The following UTP14A variants were observed in gnomAD, a reference collection of about 807,000 sequenced individuals.
The protein encoded by UTP14A is U3 small nucleolar RNA-associated protein 14 homolog A.
Under a neutral mutation model 57.2 loss-of-function variants are expected in UTP14A, and 5 were observed. The observed-to-expected ratio is 0.09, with a 90% confidence interval of 0.05 to 0.18. The LOEUF (loss-of-function observed/expected upper bound fraction) is 0.18, where lower values mean the gene tolerates loss of function less well. Among genes scored for constraint, UTP14A ranks in the 10% least tolerant of loss-of-function variants. The pLI, the probability that UTP14A is intolerant of heterozygous loss-of-function variation, is 1.00. For synonymous variants in UTP14A, 169 were observed against 210.9 expected, an observed-to-expected ratio of 0.80 and a Z score of 1.72; for missense variants, 430 against 562.1, an observed-to-expected ratio of 0.76 and a Z score of 2.38.
intron 6 of UTP14A, among the ~76,000 whole-genome samples, chrX:129,916,022 C>T (rs1929679519): frequency 1.0e-5 from 1 of 98,852 alleles, no homozygotes. Context: ...GGTGCAATCT[C>T]GGCTCACTGC....
At position 129,908,063 on chromosome X, in the gene UTP14A, G is replaced by A. The variant is rs747132410; in HGVS notation, c.106G>A (p.Asp36Asn). Residue 36 changes from aspartate to asparagine, a missense_variant, in exon 3 of 15, where the codon GAC becomes AAC. Asp to Asn is a conservative substitution (Grantham distance 23). Coordinates refer to ENST00000394422, the MANE Select transcript of UTP14A (RefSeq NM_006649.4). ...TTTTTCCTTTTCTGTGTCTTAGGGG[G>A]ACAATGATGGAGAGAGAAAGCATCA... Reference protein sequence around the residue: ...YLLSESEDEGDNDGERKHQKL... With the variant: ...YLLSESEDEGNNDGERKHQKL... The A allele has an allele frequency of 3.3e-6, 4 of 1,204,644 alleles. No individual in the cohort carries two copies. Among genetic ancestry groups the A allele is most frequent in the South Asian group, 1.8e-5 (1 of 55,644 alleles).
chrX:129,917,646 CT>C lies in UTP14A; in HGVS notation c.538-1527del, dbSNP rs375685559. On this transcript the variant is annotated intron_variant, in intron 6 of 14. Transcript: ENST00000394422. ...AAGTTAGAAAATGAGGAGAGTTCAA[CT>C]TGAACCATCAGGAAACAGGCTGATT... Among the ~76,000 whole-genome samples the C allele has an allele frequency of 5.5e-3, 617 of 112,018 alleles. 2 individuals carry two copies. The highest frequency in any genetic ancestry group is 0.023 in the Middle Eastern group (5 of 217).
intron 10 of UTP14A, 91 bp downstream of exon 10, chrX:129,920,843 C>A: frequency 8.4e-7 from 1 of 1,190,050 alleles, no homozygotes; most frequent in Admixed American, 2.4e-5. Flanking sequence ...GGATGGAAAA[C>A]CAGGAATCTA....
chrX:129,921,691 G>T, intron 11 of UTP14A, 104 bp downstream of exon 11: 1 of 903,508 alleles, frequency 1.1e-6, no homozygotes. Flanking sequence ...ATAGTGATTA[G>T]GCGCTGGGGA....
chrX:129,911,553 C>T (rs1027084962), intron 5 of UTP14A, among the ~76,000 whole-genome samples: 2 of 111,181 alleles, frequency 1.8e-5, no homozygotes, highest in South Asian at 3.8e-4. Context: ...CTGGGCAACA[C>T]GAGTGAAACT....
In UTP14A at chrX:129,926,133, C is replaced by A. The variant is rs114608751; in HGVS notation, c.1943+21C>A. On this transcript the variant is annotated intron_variant, in intron 13 of 14. Transcript: ENST00000394422. ...CGCCGGTAAGAATGCCGAAGAAAGTCTGTCAAAAGGGCACCGGGTTCTCCC... is the reference window on the plus strand; with the variant it reads ...CGCCGGTAAGAATGCCGAAGAAAGTATGTCAAAAGGGCACCGGGTTCTCCC... The A allele has an allele frequency of 1.4e-3, 1,656 of 1,208,392 alleles. 20 individuals are homozygous for A. The African/African-American group carries it at 0.025, about 18-fold the overall frequency.
chrX:129,925,547 A>T (rs1266914724), intron 12 of UTP14A, among the ~76,000 whole-genome samples: 1 of 110,876 alleles, frequency 9.0e-6, no homozygotes, highest in Non-Finnish European at 1.9e-5. Context: ...ATGGTCTAAG[A>T]CTCCCCAGTT....
intron 14 of UTP14A, among the ~76,000 whole-genome samples, chrX:129,927,563 G>A (rs1404480408): frequency 8.9e-6 from 1 of 112,000 alleles, no homozygotes; most frequent in Non-Finnish European, 1.9e-5. Context: ...CTGGAATGCA[G>A]TGGCACGATC....
chrX:129,920,075 G>C (rs777628912), intron 8 of UTP14A, among the ~76,000 whole-genome samples: 1 of 111,717 alleles, frequency 9.0e-6, no homozygotes, highest in East Asian at 2.8e-4. Context: ...TATAGTCCCA[G>C]CTACTTAGGA....
At chrX:129,912,470 A>G (rs954005243) in intron 6 of UTP14A, among the ~76,000 whole-genome samples, 1 of 109,364 alleles carries the variant, frequency 9.1e-6, no homozygotes, top group African/African-American at 3.3e-5. Flanking sequence ...TGCTATTTCC[A>G]TGTTTTTGTG....
chrX:129,909,237 T>C (rs945628545), intron 4 of UTP14A, among the ~76,000 whole-genome samples: 1 of 91,656 alleles, frequency 1.1e-5, no homozygotes, highest in Admixed American at 1.3e-4. Flanking sequence ...TGAGACAGAG[T>C]CTCACTCTAT....
chrX:129,915,954 T>C lies in UTP14A; in HGVS notation c.538-3221T>C, dbSNP rs1261297781. Among the ~76,000 whole-genome samples the C allele has an allele frequency of 8.2e-5, 8 of 97,841 alleles. No individual in the cohort carries two copies. The East Asian group carries it at 2.5e-3, about 31-fold the overall frequency. 85.0% of individuals were successfully genotyped at this position (97,841 alleles called of 115,157 possible). On this transcript the variant is annotated intron_variant, in intron 6 of 14. Coordinates refer to ENST00000394422, the MANE Select transcript of UTP14A (RefSeq NM_006649.4). ...TCTTGCTCTGTAAATTCCATGACTT[T>C]TTTTTTTTTTTTTTTTTGAGACGGA... is the stretch of plus-strand genomic sequence containing the variant.
intron 3 of UTP14A, 165 bp from the exon 4 acceptor site, chrX:129,908,505 G>A: frequency 3.9e-6 from 2 of 519,017 alleles, no homozygotes; most frequent in Non-Finnish European, 6.6e-6. Flanking sequence ...AGACAACCAA[G>A]TCCAAGTTAG....
chrX:129,928,648 G>A (rs761241334), intron 14 of UTP14A, among the ~76,000 whole-genome samples: 2 of 110,483 alleles, frequency 1.8e-5, no homozygotes, highest in African/African-American at 6.6e-5. Flanking sequence ...CAGCTACTCG[G>A]GAGGCTGAGG....
chrX:129,906,533 T>A (rs1386959037), intron 1 of UTP14A, among the ~76,000 whole-genome samples: 1 of 111,121 alleles, frequency 9.0e-6, no homozygotes, highest in Non-Finnish European at 1.9e-5. Flanking sequence ...TCTGCCTCTG[T>A]CGCGGCCCGA....
chrX:129,914,392 C>T (rs888285068), intron 6 of UTP14A, among the ~76,000 whole-genome samples: 1 of 110,912 alleles, frequency 9.0e-6, no homozygotes, highest in African/African-American at 3.3e-5. Context: ...GCCTGGCCAA[C>T]ATGGTGAAAC....
chrX:129,921,267 G>C lies in UTP14A; in HGVS notation c.1028G>C (p.Ser343Thr). ...LTQKLQVASE[S>T]EEEEGGTEDV... ...CAGAAACTCCAGGTAGCCTCTGAGA[G>C]TGAGGAAGAGGAGGGAGGCACAGAA... The change falls in exon 11 of 15, where the codon AGT becomes ACT. Residue 343 changes from serine to threonine, a missense_variant. This residue lies in a region of UTP14A where 83 missense variants were observed against 140.4 expected (regional missense o/e 0.59). Transcript: ENST00000394422. 2.5e-6 allele frequency: 3 copies of C among 1,211,887 alleles called. No homozygotes were observed. The highest frequency in any genetic ancestry group is 1.1e-6 in the Non-Finnish European group (1 of 895,590).
At chrX:129,917,368 G>C (rs979398686) in intron 6 of UTP14A, among the ~76,000 whole-genome samples, 1 of 112,004 alleles carries the variant, frequency 8.9e-6, no homozygotes, top group Non-Finnish European at 1.9e-5. Flanking sequence ...CCAAATATTT[G>C]TAAGTTTAAT....
chrX:129,918,606 G>C (rs1011071621), intron 6 of UTP14A, among the ~76,000 whole-genome samples: 2 of 110,849 alleles, frequency 1.8e-5, no homozygotes, highest in Non-Finnish European at 3.8e-5. Context: ...GGGCCGGCGC[G>C]GTGGCTCACG....
Sources: allele counts gnomAD v4.1 joint callset (sites outside exome capture counted in the v4.1 genomes callset), GRCh38; gene constraint gnomAD v4.1.1; regional missense constraint gnomAD v4.1.1; transcripts MANE v1.5; gene names NCBI Gene and HGNC (gene_info 2026-07-23, HGNC 2026-07-21).